The following ANK3 variants were observed in gnomAD, a reference collection of about 807,000 sequenced individuals.
ANK3 encodes ankyrin 3.
Under a neutral mutation model 370.9 loss-of-function variants are expected in ANK3, and 57 were observed. That is an observed-to-expected ratio of 0.15 (90% CI 0.12 to 0.19). The LOEUF (loss-of-function observed/expected upper bound fraction) is 0.19, where lower values mean the gene tolerates loss of function less well. Ranked by LOEUF, ANK3 falls within the 10% of genes least tolerant of loss-of-function variation. The probability of loss-of-function intolerance (pLI) is 1.00; values close to 1 mark genes in which losing one functional copy is unlikely to be tolerated. For synonymous variants in ANK3, 1,929 were observed against 1,946.3 expected (o/e 0.99, Z 0.23); for missense variants, 4,439 against 5,302.1 (o/e 0.84, Z 5.06).
intron 1 of ANK3, among the ~76,000 whole-genome samples, chr10:60,302,844 A>AAC (rs2044130191): frequency 1.9e-5 from 2 of 105,938 alleles, no homozygotes; most frequent in East Asian, 4.4e-4. Context: ...AACAAACAAC[A>AAC]AAAAAAAAAA....
At chr10:60,237,848 A>C (rs1429374111) in intron 7 of ANK3, among the ~76,000 whole-genome samples, 1 of 152,192 alleles carries the variant, frequency 6.6e-6, no homozygotes, top group Non-Finnish European at 1.5e-5. Flanking sequence ...CAATCCACTG[A>C]AATAGGATAA....
chr10:60,250,545 T>G (rs1435838820), intron 7 of ANK3, among the ~76,000 whole-genome samples: 2 of 152,044 alleles, frequency 1.3e-5, no homozygotes, highest in East Asian at 3.9e-4. Flanking sequence ...TTTTGTATTT[T>G]TAGTAGAGAC....
At chr10:60,163,378 T>C (rs78911864) in intron 23 of ANK3, among the ~76,000 whole-genome samples, 4,152 of 152,298 alleles carry the variant, frequency 0.027, 176 homozygotes, top group African/African-American at 0.095. Flanking sequence ...CTTAAAACCC[T>C]GCCTTGGACA....
Position 60,105,951 on chromosome 10 carries a change from G to A in ANK3, c.3282C>T (p.Asp1094=). 7 of 1,611,572 alleles carry A rather than the reference G, an allele frequency of 4.3e-6. No individual in the cohort carries two copies. The highest frequency in any genetic ancestry group is 5.9e-6 in the Non-Finnish European group (7 of 1,178,942). The part of the protein sequence containing the change: ...NGETWKEHQF[D]SKNEDLTELL... The stretch of plus-strand genomic sequence containing the variant: ...ACTCGGTTAAATCTTCATTTTTGCT[G>A]TCAAACTGATGCTCCTTCCAAGTTT... Residue 1094 remains aspartate, a synonymous_variant, in exon 28 of 44, where the codon GAC becomes GAT. Transcript: ENST00000280772.
rs528836885 is a variant in ANK3, at chr10:60,043,233, C to T, written c.13066-474G>A. 9.3e-5 allele frequency: 92 copies of T among 986,260 alleles called. No homozygotes were observed. In the Middle Eastern group the frequency reaches 2.1e-3, roughly 22 times the overall value. The allele number at this position is 986,260 out of a possible 1,614,324, so 61.1% of individuals were successfully genotyped here. ...TCAGACCAAGAAGGCATCTATTTTG[C>T]ATAAACAAATCCTCTCTTCACTGAG... is the stretch of plus-strand genomic sequence containing the variant. On this transcript the variant is annotated intron_variant, in intron 42 of 43. Transcript: ENST00000280772.
chr10:60,075,735 C>T lies in ANK3; in HGVS notation c.5146G>A (p.Val1716Ile), dbSNP rs995070717. ...QMPGHAEVAL[V>I]NGSISPLKYP... ...TTTAGAGGGGAAATAGATCCATTGA[C>T]TAATGCTACCTCTGCATGTCCAGGC... is the stretch of plus-strand genomic sequence containing the variant. Residue 1716 changes from valine to isoleucine, a missense_variant, in exon 37 of 44, where the codon GTC becomes ATC. By Grantham distance (29) the Val-to-Ile change is conservative. Around this residue, in one of 13 missense-constraint regions of ANK3, gnomAD observed 679 missense variants for 791.0 expected, o/e 0.86. Transcript: ENST00000280772. 2 of 1,614,028 alleles carry T rather than the reference C, an allele frequency of 1.2e-6. No homozygotes were observed. Among genetic ancestry groups the T allele is most frequent in the African/African-American group, 2.7e-5 (2 of 74,930 alleles).
At chr10:60,226,739 T>C (rs913381947) in intron 8 of ANK3, among the ~76,000 whole-genome samples, 2 of 144,538 alleles carry the variant, frequency 1.4e-5, no homozygotes, top group South Asian at 2.1e-4. Flanking sequence ...ATATAAATAG[T>C]ATATTATAAA....
rs796779313 is a variant in ANK3 at position 60,523,323 on chromosome 10, T to C, written c.96+91863A>G. Among the ~76,000 whole-genome samples the C allele has an allele frequency of 1.2e-4, 18 of 151,998 alleles. No individual in the cohort carries two copies. In the East Asian group the frequency reaches 1.7e-3, roughly 15 times the overall value. ...GTTACATAGGTATACATGTGCCATG[T>C]TGGTGTGCTGCACCCATTAACTCAT... On this transcript the variant is annotated intron_variant, in intron 2 of 43. Coordinates refer to the ANK3 transcript ENST00000373827.
intron 2 of ANK3, among the ~76,000 whole-genome samples, chr10:60,423,419 A>G (rs1467364784): frequency 7.7e-6 from 1 of 129,398 alleles, no homozygotes; most frequent in Admixed American, 7.6e-5. Context: ...ATGATTCTCC[A>G]TCTTTTTTTT....
chr10:60,159,471 G>A (rs2095438671), intron 23 of ANK3, among the ~76,000 whole-genome samples: 1 of 152,044 alleles, frequency 6.6e-6, no homozygotes, highest in African/African-American at 2.4e-5. Context: ...TACAATAGGT[G>A]GGGACATTAA....
At chr10:60,043,631 A>G in intron 42 of ANK3, 2 of 985,432 alleles carry the variant, frequency 2.0e-6, no homozygotes, top group Non-Finnish European at 2.4e-6. Flanking sequence ...GAGAAAATGT[A>G]TGGATCCGAT....
rs533277187 is a variant in ANK3 at position 60,635,438 on chromosome 10, T to C, written c.58-20214A>G. 1.2e-4 allele frequency among the ~76,000 whole-genome samples: 18 copies of C among 152,276 alleles called. No homozygotes were observed. In the East Asian group the frequency reaches 3.5e-3, roughly 29 times the overall value. ...AATCTATAAAATTAGATTGAATAGATAGAAGTACAACAACCAAGGGCCACT... is the reference window on the plus strand; with the variant it reads ...AATCTATAAAATTAGATTGAATAGACAGAAGTACAACAACCAAGGGCCACT... On this transcript the variant is annotated intron_variant, in intron 1 of 43. Coordinates refer to the ANK3 transcript ENST00000373827.
intron 2 of ANK3, chr10:60,572,466 T>C (rs2077623891): frequency 6.5e-7 from 1 of 1,535,404 alleles, no homozygotes; most frequent in Non-Finnish European, 8.7e-7. Flanking sequence ...ATTTCTTACC[T>C]TTTTTCCTTT....
chr10:60,506,825 T>C (rs544472370), intron 2 of ANK3, among the ~76,000 whole-genome samples: 4 of 152,220 alleles, frequency 2.6e-5, no homozygotes, highest in Non-Finnish European at 5.9e-5. Context: ...AGGCCTCATC[T>C]TGAAAGTTCT....
At chr10:60,684,457 C>A in intron 1 of ANK3, 2 of 1,115,908 alleles carry the variant, frequency 1.8e-6, no homozygotes, top group Admixed American at 2.4e-5. Flanking sequence ...AGTCCTAAGG[C>A]AAGAAGTAGA....
chr10:60,180,573 T>C lies in ANK3; in HGVS notation c.2184+756A>G, dbSNP rs1480039746. ...GTCAAGCCACTGCACTCCAGCCTGG[T>C]AACAGAGTGAGACTCCGTCTCAAAA... On this transcript the variant is annotated intron_variant, in intron 18 of 43. Coordinates refer to ENST00000280772, the MANE Select transcript of ANK3 (RefSeq NM_020987.5). Among the ~76,000 whole-genome samples, 7 of 107,090 alleles carry C rather than the reference T, an allele frequency of 6.5e-5. No homozygotes were observed. In the Admixed American group the frequency reaches 1.0e-3, roughly 16 times the overall value. 70.3% of individuals were successfully genotyped at this position (107,090 alleles called of 152,430 possible).
intron 1 of ANK3, among the ~76,000 whole-genome samples, chr10:60,371,928 T>C (rs570680044): frequency 2.8e-4 from 42 of 152,220 alleles, no homozygotes; most frequent in African/African-American, 9.6e-4. Context: ...GAGAAAGCAA[T>C]GTAGACCATA....
chr10:60,288,195 C>T (rs1054400748), intron 1 of ANK3, among the ~76,000 whole-genome samples: 31 of 152,088 alleles, frequency 2.0e-4, no homozygotes, highest in African/African-American at 6.8e-4. Flanking sequence ...TTTCCCTCCC[C>T]GACCAACAGA....
chr10:60,709,901 T>C (rs2133427946), intron 1 of ANK3, among the ~76,000 whole-genome samples: 1 of 152,250 alleles, frequency 6.6e-6, no homozygotes, highest in East Asian at 1.9e-4. Flanking sequence ...ATACTGTATT[T>C]ATCAATATCA....
Sources: allele counts gnomAD v4.1 joint callset (sites outside exome capture counted in the v4.1 genomes callset), GRCh38; gene constraint gnomAD v4.1.1; regional missense constraint gnomAD v4.1.1; transcripts MANE v1.5; gene names NCBI Gene and HGNC (gene_info 2026-07-23, HGNC 2026-07-21).